The following BRSK2 variants were observed in gnomAD, a reference collection of about 807,000 sequenced individuals.
BRSK2 encodes the protein serine/threonine-protein kinase BRSK2.
Under a neutral mutation model 83.3 loss-of-function variants are expected in BRSK2, and 19 were observed. The ratio of observed to expected loss-of-function variants is 0.23; its 90% confidence interval spans 0.16 to 0.33. The LOEUF (loss-of-function observed/expected upper bound fraction) is 0.33, where lower values mean the gene tolerates loss of function less well. BRSK2 is among the 10% of genes least tolerant of loss of function. BRSK2 has a pLI of 1.00. For missense variants in BRSK2, 798 were observed against 1,042.3 expected (o/e 0.77, Z 3.23); for synonymous variants, 519 against 435.4 (o/e 1.19, Z -2.39).
chr11:1,450,711 G>C lies in BRSK2; in HGVS notation c.1412G>C (p.Gly471Ala). The C allele has an allele frequency of 6.2e-7, 1 of 1,606,166 alleles. No individual in the cohort carries two copies. Among genetic ancestry groups the C allele is most frequent in the Admixed American group, 1.7e-5 (1 of 58,198 alleles). Residue 471 changes from glycine (G) to alanine (A), a missense_variant, in exon 14 of 20, where the codon GGA becomes GCA. Around this residue, in one of 6 missense-constraint regions of BRSK2, gnomAD observed 455 missense variants for 455.2 expected, o/e 1.00. Coordinates refer to ENST00000528841, the MANE Select transcript of BRSK2 (RefSeq NM_001256627.2). ...ACGCCCCCGTCCAGCCCCAGCGTCG[G>C]AGGGGTGCCCTGGAGGGCGCGGCTC... ...NPTPPSSPSVGGVPWRARLNS... is the reference protein window; with the variant it reads ...NPTPPSSPSVAGVPWRARLNS...
rs1185389769 is a variant in BRSK2 at position 1,460,749 on chromosome 11, A to T, written c.*26A>T. 1.1e-3 allele frequency: 1,105 copies of T among 1,027,254 alleles called. 4 individuals are homozygous for T. The highest frequency in any genetic ancestry group is 3.1e-3 in the South Asian group (186 of 60,016). The allele number at this position is 1,027,254 out of a possible 1,614,324, so 63.6% of individuals were successfully genotyped here. Reference sequence around the variant, plus strand: ...ACACACTAGCCCCCCCCCCCAGCACAGCACTGACAGCGGCTGCCTCGCCGC... The same window carrying T: ...ACACACTAGCCCCCCCCCCCAGCACTGCACTGACAGCGGCTGCCTCGCCGC... On this transcript the variant is annotated 3_prime_UTR_variant, in exon 20 of 20. Transcript: ENST00000528841.
At chr11:1,419,185 G>T (rs1296432762) in intron 1 of BRSK2, among the ~76,000 whole-genome samples, 3 of 149,354 alleles carry the variant, frequency 2.0e-5, no homozygotes, top group African/African-American at 7.5e-5. Context: ...TGTGGGCTCT[G>T]CAGGTGCGTG....
rs201245530 is a variant in BRSK2, at chr11:1,460,926, C to T, written c.*203C>T. On this transcript the variant is annotated 3_prime_UTR_variant, in exon 20 of 20. Coordinates refer to ENST00000528841, the MANE Select transcript of BRSK2 (RefSeq NM_001256627.2). ...CTCTCTTTTCTCTCTGTCTCTGCCT[C>T]TGCCTGTCTCTGACAGCATCGCTTG... 1.3e-4 allele frequency: 216 copies of T among 1,611,768 alleles called. No homozygotes were observed. The highest frequency in any genetic ancestry group is 1.8e-5 in the Non-Finnish European group (21 of 1,179,226).
chr11:1,416,742 G>A (rs561000370), intron 1 of BRSK2, among the ~76,000 whole-genome samples: 129 of 152,220 alleles, frequency 8.5e-4, no homozygotes, highest in African/African-American at 2.9e-3. Context: ...TGTGTGTTTC[G>A]CAGTGACCCA....
At chr11:1,442,280 CAG>C (rs1347457901) in intron 4 of BRSK2, among the ~76,000 whole-genome samples, 1 of 152,078 alleles carries the variant, frequency 6.6e-6, no homozygotes, top group Non-Finnish European at 1.5e-5. Flanking sequence ...GCAGGAGAAA[CAG>C]GGATGCCTGA....
chr11:1,450,873 G>A, intron 14 of BRSK2, 79 bp downstream of exon 14: 9 of 1,370,844 alleles, frequency 6.6e-6, no homozygotes, highest in Non-Finnish European at 6.9e-6. Context: ...GCCCGGCAGT[G>A]CCAGACCAGT....
intron 14 of BRSK2, 144 bp from the exon 15 acceptor site, chr11:1,451,227 G>C: frequency 1.1e-6 from 1 of 917,338 alleles, no homozygotes; most frequent in Non-Finnish European, 1.7e-6. Flanking sequence ...GCCGGGAGCT[G>C]GGGTGGACCA....
intron 1 of BRSK2, among the ~76,000 whole-genome samples, chr11:1,428,960 T>G (rs961869346): frequency 4.0e-5 from 6 of 150,184 alleles, no homozygotes; most frequent in African/African-American, 1.5e-4. Context: ...CACGGGTGTG[T>G]GCCCTTGGCG....
intron 1 of BRSK2, chr11:1,411,782 C>A: frequency 8.4e-7 from 1 of 1,187,698 alleles, no homozygotes; most frequent in Non-Finnish European, 1.2e-6. Context: ...CGGGTTCCTA[C>A]GCTGGCGCTG....
At chr11:1,459,057 T>TA in intron 18 of BRSK2, 135 bp from the exon 19 acceptor site, 1 of 805,986 alleles carries the variant, frequency 1.2e-6, no homozygotes, top group Non-Finnish European at 2.1e-6. Context: ...CCCCCAGTAT[T>TA]CCCCACCCAT....
intron 1 of BRSK2, among the ~76,000 whole-genome samples, chr11:1,427,860 C>T (rs971114701): frequency 2.6e-5 from 4 of 152,208 alleles, no homozygotes; most frequent in Non-Finnish European, 5.9e-5. Context: ...TCTCACAGCA[C>T]ACTCCCCACT....
At chr11:1,421,635 A>C (rs756763139) in intron 1 of BRSK2, among the ~76,000 whole-genome samples, 1 of 152,058 alleles carries the variant, frequency 6.6e-6, no homozygotes, top group Non-Finnish European at 1.5e-5. Context: ...TGTGGGATCT[A>C]TTGATGTTCT....
intron 12 of BRSK2, among the ~76,000 whole-genome samples, chr11:1,446,724 C>G (rs867237579): frequency 6.6e-6 from 1 of 152,212 alleles, no homozygotes; most frequent in South Asian, 2.1e-4. Context: ...GGAGCCGGTG[C>G]GGCCTCTTGG....
intron 1 of BRSK2, chr11:1,410,859 C>T: frequency 1.0e-6 from 1 of 985,504 alleles, no homozygotes; most frequent in Non-Finnish European, 1.2e-6. Context: ...GGAGGAGCTT[C>T]AGCAGCCACT....
chr11:1,420,513 G>A (rs118072498), intron 1 of BRSK2, among the ~76,000 whole-genome samples: 9,089 of 152,282 alleles, frequency 0.06, 401 homozygotes, highest in Non-Finnish European at 0.099. Flanking sequence ...AGGTTCCCCC[G>A]TCACGGCCAG....
At chr11:1,418,213 C>T (rs1314010718) in intron 1 of BRSK2, among the ~76,000 whole-genome samples, 14 of 144,540 alleles carry the variant, frequency 9.7e-5, no homozygotes, top group Non-Finnish European at 1.9e-4. Context: ...CTTCTGTGGG[C>T]TGTTTCTTCT....
intron 15 of BRSK2, among the ~76,000 whole-genome samples, chr11:1,451,873 A>T (rs1166384073): frequency 1.3e-5 from 2 of 152,082 alleles, no homozygotes; most frequent in Non-Finnish European, 2.9e-5. Context: ...GAGCCGTGAG[A>T]GGTGCCACTG....
Position 1,443,101 on chromosome 11 carries a change from C to T in BRSK2, c.531-5C>T, listed in dbSNP as rs891933332. On this transcript the variant is annotated splice_polypyrimidine_tract_variant and splice_region_variant and intron_variant, in intron 5 of 19. Coordinates refer to ENST00000528841, the MANE Select transcript of BRSK2 (RefSeq NM_001256627.2). ...CCCGCCGCTGACCTCTGCCCTTGCC[C>T]GCAGGTCCCCCCACTACGCCTGCCC... 2.1e-5 allele frequency: 32 copies of T among 1,534,422 alleles called. No homozygotes were observed. Among genetic ancestry groups the T allele is most frequent in the African/African-American group, 4.1e-5 (3 of 72,928 alleles).
Position 1,445,367 on chromosome 11 carries a change from G to A in BRSK2, c.886G>A (p.Glu296Lys). 6.2e-7 allele frequency: 1 copy of A among 1,611,922 alleles called. No individual in the cohort carries two copies. Among genetic ancestry groups the A allele is most frequent in the Non-Finnish European group, 8.5e-7 (1 of 1,179,622 alleles). The change falls in exon 10 of 20, where the codon GAG becomes AAG. Residue 296 changes from glutamate (E) to lysine (K), a missense_variant. Glu to Lys is a moderately conservative substitution (Grantham distance 56). Coordinates refer to ENST00000528841, the MANE Select transcript of BRSK2 (RefSeq NM_001256627.2). ...GCAGATCCGCTCGCTGCCCAGCCTG[G>A]AGGACATCGACCCCGACGTGCTGGA... ...KVQIRSLPSLEDIDPDVLDSM... is the reference protein window; with the variant it reads ...KVQIRSLPSLKDIDPDVLDSM...
Sources: gnomAD v4.1 joint callset for allele counts (sites outside exome capture counted in the v4.1 genomes callset) on GRCh38, gnomAD v4.1.1 for gene constraint, gnomAD v4.1.1 regional missense constraint, MANE v1.5 for transcripts, NCBI Gene and HGNC (gene_info 2026-07-23, HGNC 2026-07-21) for gene names.